Variants in PDE5A observed in about 807,000 individuals in gnomAD.
PDE5A encodes the protein cGMP-specific 3',5'-cyclic phosphodiesterase.
In PDE5A, 67 loss-of-function variants were observed where a neutral mutation model predicts 110.2. That is an observed-to-expected ratio of 0.61 (90% CI 0.50 to 0.75). The LOEUF (loss-of-function observed/expected upper bound fraction) is 0.75. Ranked by LOEUF, PDE5A falls within the 30% of genes least tolerant of loss-of-function variation. The probability of loss-of-function intolerance (pLI) is 0.00; values close to 1 mark genes in which losing one functional copy is unlikely to be tolerated. For synonymous variants in PDE5A, 328 were observed against 351.2 expected, an observed-to-expected ratio of 0.93 and a Z score of 0.74; for missense variants, 862 against 1,045.1, an observed-to-expected ratio of 0.82 and a Z score of 2.42.
intron 9 of PDE5A, among the ~76,000 whole-genome samples, chr4:119,547,001 A>G (rs1727151166): frequency 6.6e-6 from 1 of 151,518 alleles, no homozygotes. Flanking sequence ...TAACACTAAT[A>G]TAATTTGTAA....
chr4:119,534,569 A>T (rs1474799603), intron 11 of PDE5A, among the ~76,000 whole-genome samples: 1 of 152,148 alleles, frequency 6.6e-6, no homozygotes, highest in Non-Finnish European at 1.5e-5. Context: ...GGTGCCAAAA[A>T]GGTTGGGTAC....
chr4:119,601,709 T>C (rs1262686695), intron 2 of PDE5A, among the ~76,000 whole-genome samples: 1 of 152,136 alleles, frequency 6.6e-6, no homozygotes. Flanking sequence ...ATTGAGCCCT[T>C]AACATGTAGG....
At chr4:119,571,295 A>C (rs1728132519) in intron 3 of PDE5A, among the ~76,000 whole-genome samples, 1 of 152,182 alleles carries the variant, frequency 6.6e-6, no homozygotes, top group Non-Finnish European at 1.5e-5. Context: ...GTGACCCTTA[A>C]ATGACAAACG....
At chr4:119,526,206 T>G (rs1298791674) in intron 11 of PDE5A, among the ~76,000 whole-genome samples, 3 of 151,964 alleles carry the variant, frequency 2.0e-5, no homozygotes, top group African/African-American at 7.3e-5. Context: ...CACAAAGAGG[T>G]TAATTTTCTT....
chr4:119,568,584 T>C (rs1453012474), intron 3 of PDE5A, among the ~76,000 whole-genome samples: 1 of 152,080 alleles, frequency 6.6e-6, no homozygotes, highest in Non-Finnish European at 1.5e-5. Flanking sequence ...ACTTATAGCG[T>C]AGTAGGATGG....
At chr4:119,588,639 C>T (rs1158977688) in intron 3 of PDE5A, among the ~76,000 whole-genome samples, 1 of 151,018 alleles carries the variant, frequency 6.6e-6, no homozygotes, top group African/African-American at 2.4e-5. Context: ...CAGACACAAT[C>T]ATAAAACTTA....
intron 2 of PDE5A, among the ~76,000 whole-genome samples, chr4:119,606,056 G>A (rs2110547772): frequency 6.6e-6 from 1 of 152,310 alleles, no homozygotes; most frequent in East Asian, 1.9e-4. Flanking sequence ...GAAATTTGAA[G>A]AATCTTACAG....
chr4:119,528,582 G>T (rs907850207), intron 11 of PDE5A, among the ~76,000 whole-genome samples: 23 of 152,132 alleles, frequency 1.5e-4, no homozygotes, highest in Non-Finnish European at 3.4e-4. Flanking sequence ...GCTATTGGGG[G>T]TGCTAGTCCA....
intron 20 of PDE5A, among the ~76,000 whole-genome samples, chr4:119,499,375 T>C (rs1276204808): frequency 6.6e-6 from 1 of 152,210 alleles, no homozygotes; most frequent in East Asian, 1.9e-4. Context: ...AAAATATGGA[T>C]ATAATGACAT....
intron 16 of PDE5A, 31 bp downstream of exon 16, chr4:119,507,573 C>G (rs773280877): frequency 3.0e-6 from 4 of 1,324,192 alleles, no homozygotes; most frequent in Non-Finnish European, 1.1e-6. Context: ...ACTTCAAATA[C>G]CTATTTCTCA....
At chr4:119,558,207 C>G (rs1727611873) in intron 7 of PDE5A, among the ~76,000 whole-genome samples, 3 of 152,142 alleles carry the variant, frequency 2.0e-5, no homozygotes, top group Admixed American at 6.5e-5. Context: ...CTCCCAAGAG[C>G]TTACTATGCT....
chr4:119,628,064 C>T, intron 1 of PDE5A: 2 of 985,520 alleles, frequency 2.0e-6, no homozygotes, highest in Non-Finnish European at 2.4e-6. Context: ...GCTTCCCCGC[C>T]CAGCCAGGGC....
At chr4:119,559,699 C>A (rs1453618447) in intron 7 of PDE5A, among the ~76,000 whole-genome samples, 2 of 152,114 alleles carry the variant, frequency 1.3e-5, no homozygotes, top group African/African-American at 4.8e-5. Flanking sequence ...AATGTCAAAT[C>A]TGCTAGAAAA....
At chr4:119,601,002 C>A (rs115610077) in intron 2 of PDE5A, among the ~76,000 whole-genome samples, 1 of 152,184 alleles carries the variant, frequency 6.6e-6, no homozygotes, top group African/African-American at 2.4e-5. Flanking sequence ...AGATACACTA[C>A]GAAGGTGTGT....
At position 119,502,666 on chromosome 4, in the gene PDE5A, TA is replaced by T. The variant is rs1350245028; in HGVS notation, c.2332-12del. 1 of 1,549,692 alleles carries T rather than the reference TA, an allele frequency of 6.5e-7. No individual in the cohort carries two copies. The highest frequency in any genetic ancestry group is 8.9e-7 in the Non-Finnish European group (1 of 1,125,404). ...TACAAGTTCTGCTATCTGAAATAAA[TA>T]ACAGACTCAGTTTTGACAATGAAAA... On this transcript the variant is annotated splice_polypyrimidine_tract_variant and intron_variant, in intron 18 of 20. Coordinates refer to ENST00000354960, the MANE Select transcript of PDE5A (RefSeq NM_001083.4).
intron 11 of PDE5A, among the ~76,000 whole-genome samples, chr4:119,537,083 T>A (rs1249328557): frequency 6.6e-6 from 1 of 152,142 alleles, no homozygotes; most frequent in African/African-American, 2.4e-5. Flanking sequence ...TCAAGGTCCT[T>A]ATCTCTTCAC....
intron 14 of PDE5A, among the ~76,000 whole-genome samples, chr4:119,516,530 A>G (rs993016267): frequency 6.6e-6 from 1 of 152,112 alleles, no homozygotes; most frequent in Non-Finnish European, 1.5e-5. Context: ...AAATGCTACA[A>G]TTGTGTTTTC....
At chr4:119,579,365 T>G (rs1177411268) in intron 3 of PDE5A, among the ~76,000 whole-genome samples, 1 of 152,242 alleles carries the variant, frequency 6.6e-6, no homozygotes, top group South Asian at 2.1e-4. Flanking sequence ...TTATAAATCA[T>G]GCTGCTGTAA....
At chr4:119,503,321 C>A (rs1725434135) in intron 18 of PDE5A, among the ~76,000 whole-genome samples, 1 of 152,124 alleles carries the variant, frequency 6.6e-6, no homozygotes, top group East Asian at 1.9e-4. Flanking sequence ...GCATGGACAT[C>A]CATCACTTTT....
Sources: allele counts gnomAD v4.1 joint callset (sites outside exome capture counted in the v4.1 genomes callset), GRCh38; gene constraint gnomAD v4.1.1; transcripts MANE v1.5; gene names NCBI Gene and HGNC (gene_info 2026-07-23, HGNC 2026-07-21).